ZHX3: variants seen among roughly 807,000 people sequenced by gnomAD.
The protein encoded by ZHX3 is zinc fingers and homeoboxes 3, also known as zinc fingers and homeoboxes protein 3.
Under a neutral mutation model 64.5 loss-of-function variants are expected in ZHX3, and 20 were observed. That is an observed-to-expected ratio of 0.31 (90% CI 0.22 to 0.45). ZHX3 has a LOEUF of 0.45. ZHX3 is among the 20% of genes least tolerant of loss of function. The probability of loss-of-function intolerance (pLI) is 1.00; values close to 1 mark genes in which losing one functional copy is unlikely to be tolerated. For missense variants in ZHX3, 1,041 were observed against 1,195.8 expected, an observed-to-expected ratio of 0.87 and a Z score of 1.91; for synonymous variants, 423 against 461.6, an observed-to-expected ratio of 0.92 and a Z score of 1.07.
At chr20:41,246,523 A>C (rs1169478451) in intron 2 of ZHX3, among the ~76,000 whole-genome samples, 1 of 152,208 alleles carries the variant, frequency 6.6e-6, no homozygotes, top group African/African-American at 2.4e-5. Context: ...TCATAGGGTA[A>C]TAGGTTAAGA....
rs751395106 is a variant in ZHX3 at position 41,203,803 on chromosome 20, G to A, written c.1114C>T (p.Arg372Trp). Reference protein sequence around the residue: ...SWSPEEIEDARKKMFNTVIQS... With the variant: ...SWSPEEIEDAWKKMFNTVIQS... ...ATGACTGTATTGAACATCTTTTTCC[G>A]GGCATCCTCAATCTCCTCAGGGGAC... The change falls in exon 3 of 4, where the codon CGG becomes TGG. Residue 372 changes from arginine (R) to tryptophan (W), a missense_variant. Coordinates refer to ENST00000683867, the MANE Select transcript of ZHX3 (RefSeq NM_001384317.1). This position sits in a 1 kb window ranked among gnomAD's most constrained non-coding sequence, Gnocchi z 7.1. The A allele has an allele frequency of 5.0e-6, 8 of 1,614,184 alleles. No homozygotes were observed. The highest frequency in any genetic ancestry group is 1.3e-5 in the African/African-American group (1 of 75,044).
rs1374306134 is a variant in ZHX3, at chr20:41,203,255, G to C, written c.1662C>G (p.Gly554=). The C allele has an allele frequency of 6.2e-7, 1 of 1,614,136 alleles. No homozygotes were observed. The highest frequency in any genetic ancestry group is 1.3e-5 in the African/African-American group (1 of 75,026). The change falls in exon 3 of 4, where the codon GGC becomes GGG. Residue 554 remains glycine (G), a synonymous_variant. Coordinates refer to ENST00000683867, the MANE Select transcript of ZHX3 (RefSeq NM_001384317.1). This position sits in a 1 kb window ranked among gnomAD's most constrained non-coding sequence, Gnocchi z 7.1. The part of the protein sequence containing the change: ...DRRYHCRNLK[G]SRAMIPGDHS... ...GATCTCCAGGTATCATCGCTCTGGA[G>C]CCCTTCAAGTTCCGGCAGTGGTATC...
intron 3 of ZHX3, among the ~76,000 whole-genome samples, chr20:41,196,448 T>A (rs1373943811): frequency 3.5e-5 from 2 of 57,910 alleles, no homozygotes; most frequent in African/African-American, 7.1e-5. Flanking sequence ...ATATATTATA[T>A]ATAATATATT....
At chr20:41,248,396 G>C (rs2146492268) in intron 2 of ZHX3, among the ~76,000 whole-genome samples, 1 of 152,188 alleles carries the variant, frequency 6.6e-6, no homozygotes, top group South Asian at 2.1e-4. Context: ...GCTTTGCACA[G>C]AGCAGTTACT....
chr20:41,202,121 G>A lies in ZHX3; in HGVS notation c.2796C>T (p.Pro932=). The change falls in exon 3 of 4, where the codon CCC becomes CCT. Residue 932 remains proline, a synonymous_variant. Transcript: ENST00000683867. The surrounding 1 kb of genome is among the most constrained non-coding windows in gnomAD (Gnocchi z 7.0). ...EVSENSESWE[P]RVPEASSEPF... Reference sequence around the variant, plus strand: ...GCTCTGAGCTGGCCTCAGGGACACGGGGCTCCCACGACTCACTGTTCTCAG... The same window carrying A: ...GCTCTGAGCTGGCCTCAGGGACACGAGGCTCCCACGACTCACTGTTCTCAG... 6.2e-7 allele frequency: 1 copy of A among 1,613,902 alleles called. No homozygotes were observed. Among genetic ancestry groups the A allele is most frequent in the Non-Finnish European group, 8.5e-7 (1 of 1,179,916 alleles).
At chr20:41,214,719 A>C (rs1241626186) in intron 2 of ZHX3, among the ~76,000 whole-genome samples, 2 of 152,322 alleles carry the variant, frequency 1.3e-5, no homozygotes, top group Middle Eastern at 6.8e-3. Flanking sequence ...CTTAAACAGC[A>C]AAGTTCTAAT....
chr20:41,192,326 G>C (rs2037094781), intron 3 of ZHX3, among the ~76,000 whole-genome samples: 1 of 152,210 alleles, frequency 6.6e-6, no homozygotes, highest in Non-Finnish European at 1.5e-5. Context: ...TGTAAAGCCA[G>C]GCTGGGCAGT....
chr20:41,199,813 G>A (rs1449592988), intron 3 of ZHX3, among the ~76,000 whole-genome samples: 1 of 151,004 alleles, frequency 6.6e-6, no homozygotes, highest in African/African-American at 2.4e-5. Flanking sequence ...TGATTCTCCT[G>A]CCTCAGCCTC....
chr20:41,286,838 C>G (rs1441259878), intron 1 of ZHX3, among the ~76,000 whole-genome samples: 1 of 152,124 alleles, frequency 6.6e-6, no homozygotes, highest in Non-Finnish European at 1.5e-5. Flanking sequence ...GGTGGTTTCT[C>G]CATGCTGTTC....
intron 2 of ZHX3, among the ~76,000 whole-genome samples, chr20:41,266,110 T>A (rs934974529): frequency 2.6e-5 from 4 of 152,192 alleles, no homozygotes; most frequent in African/African-American, 9.6e-5. Flanking sequence ...GTAAGATAAA[T>A]TTCTAGAAAT....
intron 2 of ZHX3, among the ~76,000 whole-genome samples, chr20:41,266,405 A>G (rs1203708189): frequency 6.6e-6 from 1 of 152,068 alleles, no homozygotes; most frequent in Non-Finnish European, 1.5e-5. Flanking sequence ...AGTCATATGC[A>G]ATGTCCCCAT....
At chr20:41,298,572 T>G (rs185251904) in intron 1 of ZHX3, among the ~76,000 whole-genome samples, 225 of 152,320 alleles carry the variant, frequency 1.5e-3, no homozygotes, top group African/African-American at 5.1e-3. Flanking sequence ...GCAGTAAAAC[T>G]ATGCTAGTAA....
At chr20:41,291,090 A>G (rs1383177698) in intron 1 of ZHX3, among the ~76,000 whole-genome samples, 1 of 152,196 alleles carries the variant, frequency 6.6e-6, no homozygotes, top group African/African-American at 2.4e-5. Flanking sequence ...AGTTAAATAC[A>G]TTGCCTCAGG....
chr20:41,253,245 T>TAAAAAAAAA (rs11469825), intron 2 of ZHX3, among the ~76,000 whole-genome samples: 1 of 144,202 alleles, frequency 6.9e-6, no homozygotes, highest in Non-Finnish European at 1.5e-5. Flanking sequence ...GGGACTACAG[T>TAAAAAAAAA]AAAAAAAAAA....
At chr20:41,313,393 G>A (rs1189862435) in intron 1 of ZHX3, among the ~76,000 whole-genome samples, 2 of 152,078 alleles carry the variant, frequency 1.3e-5, no homozygotes, top group East Asian at 3.9e-4. Context: ...GGGAATTGAT[G>A]AGATCATTTA....
At position 41,203,854 on chromosome 20, in the gene ZHX3, G is replaced by A. The variant is rs1406782169; in HGVS notation, c.1063C>T (p.Gln355Ter). The A allele has an allele frequency of 6.2e-7, 1 of 1,614,122 alleles. No homozygotes were observed. Among genetic ancestry groups the A allele is most frequent in the Non-Finnish European group, 8.5e-7 (1 of 1,180,042 alleles). Reference sequence around the variant, plus strand: ...CAGCTGATCCCCTGCTTCAGCCTTTGGGCTGTGAACCAGATCTTGAGCTGT... The same window carrying A: ...CAGCTGATCCCCTGCTTCAGCCTTTAGGCTGTGAACCAGATCTTGAGCTGT... ...EEQLKIWFTA[Q>*]RLKQGISWSP... The change falls in exon 3 of 4, where the codon CAA (glutamine) becomes TAA (stop). Residue 355 changes from glutamine (Q) to a stop codon, truncating the protein, a stop_gained. Coordinates refer to ENST00000683867, the MANE Select transcript of ZHX3 (RefSeq NM_001384317.1). LOFTEE classifies it high-confidence loss of function. The surrounding 1 kb of genome is among the most constrained non-coding windows in gnomAD (Gnocchi z 7.1).
At chr20:41,303,045 T>G (rs1037227746) in intron 1 of ZHX3, among the ~76,000 whole-genome samples, 1 of 152,194 alleles carries the variant, frequency 6.6e-6, no homozygotes, top group African/African-American at 2.4e-5. Flanking sequence ...CTTCAAGTAC[T>G]TTAAAATATG....
intron 2 of ZHX3, among the ~76,000 whole-genome samples, chr20:41,233,306 C>A (rs550891903): frequency 1.8e-4 from 28 of 152,298 alleles, no homozygotes; most frequent in Non-Finnish European, 3.5e-4. Flanking sequence ...TGTATACACC[C>A]TTCTTTACTG....
rs2043521653 is a variant in ZHX3 at position 41,278,843 on chromosome 20, G to A, written c.-244-9760C>T. ...GCTGGAGTGCAGTGGCATGATCTGG[G>A]CTCACTGCAAGCTCTGCCTCCCGGG... On this transcript the variant is annotated intron_variant, in intron 1 of 3. Transcript: ENST00000683867. Among the ~76,000 whole-genome samples the A allele has an allele frequency of 1.4e-5, 2 of 142,638 alleles. 1 individual carries two copies. The highest frequency in any genetic ancestry group is 4.8e-4 in the South Asian group (2 of 4,174). The allele number at this position is 142,638 out of a possible 152,430, so 93.6% of individuals were successfully genotyped here. A position where few individuals can be genotyped will look rare whatever the true frequency, so the allele number is the denominator to read the frequency against.
Sources: gnomAD v4.1 joint callset for allele counts (sites outside exome capture counted in the v4.1 genomes callset) on GRCh38, gnomAD v4.1.1 for gene constraint, Gnocchi (gnomAD v3.1) non-coding constraint, MANE v1.5 for transcripts, NCBI Gene and HGNC (gene_info 2026-07-23, HGNC 2026-07-21) for gene names.